The following VWA3B variants were observed in gnomAD, a reference collection of about 807,000 sequenced individuals.
VWA3B encodes von Willebrand factor A domain-containing protein 3B.
VWA3B carries 138 observed loss-of-function variants against 158.3 expected under a neutral mutation model. That is an observed-to-expected ratio of 0.87 (90% CI 0.76 to 1.00). VWA3B has a LOEUF of 1.00. Ranked by LOEUF, VWA3B falls within the 50% of genes least tolerant of loss-of-function variation. VWA3B has a pLI of 0.00. For synonymous variants in VWA3B, 596 were observed against 587.3 expected, an observed-to-expected ratio of 1.01 and a Z score of -0.21; for missense variants, 1,555 against 1,565.1, an observed-to-expected ratio of 0.99 and a Z score of 0.11.
At chr2:98,301,310 CA>C (rs375015037) in intron 25 of VWA3B, among the ~76,000 whole-genome samples, 91 of 143,734 alleles carry the variant, frequency 6.3e-4, no homozygotes, top group Middle Eastern at 3.6e-3. Context: ...AAAAACAAAA[CA>C]AAAAAAAAAA....
chr2:98,228,400 C>T (rs1431493647), intron 15 of VWA3B, 68 bp downstream of exon 15: 1 of 1,486,020 alleles, frequency 6.7e-7, no homozygotes, highest in Non-Finnish European at 9.0e-7. Context: ...CCCCCTGGGC[C>T]CTTGTCCTTT....
intron 7 of VWA3B, among the ~76,000 whole-genome samples, chr2:98,147,942 G>A (rs1677309020): frequency 2.1e-5 from 3 of 142,956 alleles, no homozygotes. Flanking sequence ...AGTTCCCTAT[G>A]AGTGAGAACA....
intron 6 of VWA3B, among the ~76,000 whole-genome samples, chr2:98,131,669 A>C (rs1484090584): frequency 6.6e-6 from 1 of 152,068 alleles, no homozygotes. Context: ...TCTTGTTCTT[A>C]AGTGTAGGTG....
At chr2:98,133,977 C>A in intron 7 of VWA3B, 38 bp downstream of exon 7, 1 of 1,555,592 alleles carries the variant, frequency 6.4e-7, no homozygotes, top group Non-Finnish European at 8.9e-7. Context: ...AGCTTATGTC[C>A]CGAATAGCCT....
intron 23 of VWA3B, among the ~76,000 whole-genome samples, chr2:98,294,203 C>CA (rs751689571): frequency 0.016 from 908 of 56,282 alleles, 142 homozygotes; most frequent in African/African-American, 0.058. Flanking sequence ...CACACACACA[C>CA]AAAAAAAAAA....
intron 23 of VWA3B, among the ~76,000 whole-genome samples, chr2:98,295,315 A>T (rs530285645): frequency 6.6e-5 from 10 of 152,182 alleles, no homozygotes; most frequent in Non-Finnish European, 1.3e-4. Flanking sequence ...AAGAAAATCC[A>T]GTCTCCAGCC....
At chr2:98,205,497 A>G (rs2105501807) in intron 12 of VWA3B, among the ~76,000 whole-genome samples, 1 of 151,918 alleles carries the variant, frequency 6.6e-6, no homozygotes, top group African/African-American at 2.4e-5. Flanking sequence ...AATTTTCTCT[A>G]TTGTTTTACT....
intron 8 of VWA3B, among the ~76,000 whole-genome samples, chr2:98,173,401 A>T (rs1679755746): frequency 6.6e-6 from 1 of 152,236 alleles, no homozygotes; most frequent in South Asian, 2.1e-4. Flanking sequence ...AATGCCAGAA[A>T]GGACCAAGAC....
chr2:98,321,175 C>T, the VWA3B span, among the ~76,000 whole-genome samples: 1 of 152,210 alleles, frequency 6.6e-6, no homozygotes, highest in African/African-American at 2.4e-5. Flanking sequence ...AAGTCAAGAA[C>T]TGAAGTTTTG....
At chr2:98,155,880 C>T (rs1355499396) in intron 7 of VWA3B, among the ~76,000 whole-genome samples, 1 of 152,158 alleles carries the variant, frequency 6.6e-6, no homozygotes, top group African/African-American at 2.4e-5. Flanking sequence ...TCCTGGAAAT[C>T]ACCCAACTTT....
intron 14 of VWA3B, among the ~76,000 whole-genome samples, chr2:98,221,608 G>A (rs1163374674): frequency 6.6e-6 from 1 of 152,316 alleles, no homozygotes; most frequent in East Asian, 1.9e-4. Context: ...TCCCTGCTGA[G>A]GCTGTGTCAG....
intron 23 of VWA3B, chr2:98,292,244 A>G (rs1396345064): frequency 6.6e-6 from 1 of 152,200 alleles, no homozygotes; most frequent in East Asian, 1.9e-4. Context: ...TCTCATAAAA[A>G]AAGATTACGT....
chr2:98,266,144 C>G lies in VWA3B; in HGVS notation c.2844-4538C>G, dbSNP rs1283764163. On this transcript the variant is annotated intron_variant, in intron 21 of 27. Transcript: ENST00000477737. ...CATGCCTATGTCCTGAATGGTAATGCCTAGGTTTTCTTCTAGGGTTTTTAT... is the reference window on the plus strand; with the variant it reads ...CATGCCTATGTCCTGAATGGTAATGGCTAGGTTTTCTTCTAGGGTTTTTAT... 2.7e-5 allele frequency among the ~76,000 whole-genome samples: 4 copies of G among 149,630 alleles called. No individual in the cohort carries two copies. The South Asian group carries it at 6.3e-4, about 24-fold the overall frequency.
intron 22 of VWA3B, among the ~76,000 whole-genome samples, chr2:98,273,647 A>C (rs1042290331): frequency 4.6e-5 from 7 of 152,090 alleles, no homozygotes; most frequent in Admixed American, 4.6e-4. Context: ...TGAAACATTT[A>C]TGAGTGCCCA....
At chr2:98,196,748 G>A (rs796423168) in intron 12 of VWA3B, among the ~76,000 whole-genome samples, 4 of 152,280 alleles carry the variant, frequency 2.6e-5, no homozygotes, top group African/African-American at 9.6e-5. Context: ...TTGAGAATGG[G>A]CTCAGAGGGA....
At chr2:98,095,845 T>C (rs929259126) in intron 2 of VWA3B, among the ~76,000 whole-genome samples, 1 of 152,246 alleles carries the variant, frequency 6.6e-6, no homozygotes, top group African/African-American at 2.4e-5. Flanking sequence ...TTGAGTTTTG[T>C]CAAATGCTTA....
At chr2:98,230,264 T>C (rs1007337860) in intron 16 of VWA3B, 57 bp downstream of exon 16, 4 of 1,443,854 alleles carry the variant, frequency 2.8e-6, no homozygotes, top group South Asian at 1.7e-5. Flanking sequence ...GGCAAGAAGA[T>C]AGAATAAAAC....
intron 10 of VWA3B, among the ~76,000 whole-genome samples, chr2:98,191,003 A>C (rs1338710034): frequency 2.6e-5 from 4 of 152,050 alleles, no homozygotes; most frequent in African/African-American, 9.7e-5. Flanking sequence ...ATATTGTTCC[A>C]TGGGCCACTA....
intron 11 of VWA3B, 91 bp downstream of exon 11, chr2:98,193,127 C>G: frequency 6.8e-7 from 1 of 1,479,518 alleles, no homozygotes; most frequent in African/African-American, 1.4e-5. Context: ...TAAAAAATTC[C>G]TAAGAAAGCC....
Sources: allele counts gnomAD v4.1 joint callset (sites outside exome capture counted in the v4.1 genomes callset), GRCh38; gene constraint gnomAD v4.1.1; transcripts MANE v1.5; gene names NCBI Gene and HGNC (gene_info 2026-07-23, HGNC 2026-07-21).